The following ACACA variants were observed in gnomAD, a reference collection of about 807,000 sequenced individuals.
ACACA encodes acetyl-CoA carboxylase alpha.
Under a neutral mutation model 296.1 loss-of-function variants are expected in ACACA, and 103 were observed. That is an observed-to-expected ratio of 0.35 (90% CI 0.30 to 0.41). ACACA has a LOEUF of 0.41. Among genes scored for constraint, ACACA ranks in the 10% least tolerant of loss-of-function variants. The pLI is 1.00. For synonymous variants in ACACA, 953 were observed against 1,038.6 expected (o/e 0.92, Z 1.58); for missense variants, 1,554 against 2,989.7 (o/e 0.52, Z 11.20).
At chr17:37,356,708 G>A (rs1246682458) in intron 1 of ACACA, among the ~76,000 whole-genome samples, 1 of 152,052 alleles carries the variant, frequency 6.6e-6, no homozygotes, top group Non-Finnish European at 1.5e-5. Flanking sequence ...TTAAGAACAT[G>A]TTAGATAATG....
At chr17:37,203,484 T>C (rs987964833) in intron 33 of ACACA, among the ~76,000 whole-genome samples, 4 of 151,658 alleles carry the variant, frequency 2.6e-5, no homozygotes, top group Middle Eastern at 3.2e-3. Flanking sequence ...TGGCTCACGC[T>C]TGTAATCCCA....
Position 37,160,459 on chromosome 17 carries a change from T to C in ACACA, c.5349+1322A>G, listed in dbSNP as rs548847189. Among the ~76,000 whole-genome samples, 3 of 152,294 alleles carry C rather than the reference T, an allele frequency of 2.0e-5. No homozygotes were observed. The South Asian group carries it at 6.2e-4, about 32-fold the overall frequency. ...TTGAAAATTGGGAAGCAAGGTCTGA[T>C]GATATCAGCTAAGAGTGGGGAGAGG... is the stretch of plus-strand genomic sequence containing the variant. On this transcript the variant is annotated intron_variant, in intron 42 of 55. Coordinates refer to ENST00000616317, the MANE Select transcript of ACACA (RefSeq NM_198834.3).
In ACACA at chr17:37,100,067, A is replaced by G. The variant is rs549306605; in HGVS notation, c.6566-2083T>C. On this transcript the variant is annotated intron_variant, in intron 52 of 55. Coordinates refer to ENST00000616317, the MANE Select transcript of ACACA (RefSeq NM_198834.3). ...CAATTCACCCTCATATAAGTAATTA[A>G]ATGAGGGAGAAGGGAAAGGGAACAC... 2.6e-5 allele frequency among the ~76,000 whole-genome samples: 4 copies of G among 152,308 alleles called. No homozygotes were observed. The South Asian group carries it at 8.3e-4, about 32-fold the overall frequency.
At chr17:37,114,662 ACTTTTTATGGACTTCCCATTTCCCAG>A (rs1056230223) in intron 50 of ACACA, among the ~76,000 whole-genome samples, 7 of 152,182 alleles carry the variant, frequency 4.6e-5, no homozygotes, top group Admixed American at 3.3e-4. Flanking sequence ...TTATTTCCCA[ACTTTTTATGGACTTCCCATTTCCCAG>A]CTCACTGAAG....
At chr17:37,315,040 C>T (rs929633326) in intron 3 of ACACA, among the ~76,000 whole-genome samples, 1 of 147,416 alleles carries the variant, frequency 6.8e-6, no homozygotes, top group African/African-American at 2.5e-5. Flanking sequence ...CTCACCACAA[C>T]CTCCACCTCC....
In ACACA at chr17:37,248,048, T is replaced by C; in HGVS notation, c.2272A>G (p.Ser758Gly). The C allele has an allele frequency of 6.2e-7, 1 of 1,614,198 alleles. No homozygotes were observed. The highest frequency in any genetic ancestry group is 8.5e-7 in the Non-Finnish European group (1 of 1,180,034). ...TCTTTCATATACGTAGTATAACTGCTGCCATCATAGGACAAGAGCAGTCCA... is the reference window on the plus strand; with the variant it reads ...TCTTTCATATACGTAGTATAACTGCCGCCATCATAGGACAAGAGCAGTCCA... The part of the protein sequence containing the change: ...DGGLLLSYDG[S>G]SYTTYMKEEV... The change falls in exon 18 of 56, where the codon AGC (serine) becomes GGC (glycine). Residue 758 changes from serine to glycine, a missense_variant. Physicochemically the swap from Ser to Gly is moderately conservative, Grantham distance 56. This residue lies in a region of ACACA where 316 missense variants were observed against 540.9 expected (regional missense o/e 0.58). Coordinates refer to ENST00000616317, the MANE Select transcript of ACACA (RefSeq NM_198834.3).
chr17:37,216,155 CA>C (rs1891658577), intron 29 of ACACA, among the ~76,000 whole-genome samples: 1 of 134,534 alleles, frequency 7.4e-6, no homozygotes, highest in East Asian at 2.1e-4. Flanking sequence ...CACACACACA[CA>C]CAACATACAC....
At chr17:37,193,283 G>T in intron 36 of ACACA, 91 bp downstream of exon 36, 1 of 966,464 alleles carries the variant, frequency 1.0e-6, no homozygotes, top group Non-Finnish European at 1.6e-6. Flanking sequence ...AAAAAGAATG[G>T]CAAGAAGAAC....
chr17:37,277,499 G>T (rs2082330241), intron 6 of ACACA, among the ~76,000 whole-genome samples: 2 of 152,160 alleles, frequency 1.3e-5, no homozygotes, highest in Admixed American at 1.3e-4. Context: ...TCTAAGTTTA[G>T]AGTTTTTTCC....
At chr17:37,370,088 C>T (rs573885143) in intron 1 of ACACA, among the ~76,000 whole-genome samples, 1 of 151,514 alleles carries the variant, frequency 6.6e-6, no homozygotes, top group Non-Finnish European at 1.5e-5. Flanking sequence ...GGCTCTGCAA[C>T]CTCTGCCTCC....
Position 37,216,959 on chromosome 17 carries a change from T to C in ACACA, c.3683+4765A>G, listed in dbSNP as rs142636591. ...AAACAAACTGCGTGACTGGGAATTA[T>C]AGTAAGAGGAGTTAAAAACAAGGGC... On this transcript the variant is annotated intron_variant, in intron 29 of 55. Coordinates refer to ENST00000616317, the MANE Select transcript of ACACA (RefSeq NM_198834.3). Among the ~76,000 whole-genome samples the C allele has an allele frequency of 4.9e-3, 750 of 152,112 alleles. 3 individuals are homozygous for C. The highest frequency in any genetic ancestry group is 0.017 in the African/African-American group (708 of 41,482).
At chr17:37,345,832 CA>C (rs1284789394) in intron 1 of ACACA, among the ~76,000 whole-genome samples, 4 of 152,120 alleles carry the variant, frequency 2.6e-5, no homozygotes, top group African/African-American at 9.7e-5. Context: ...TATCACAGAT[CA>C]GGGGAGATTA....
rs746438626 is a variant in ACACA at position 37,179,226 on chromosome 17, G to A, written c.5079+34C>T. The A allele has an allele frequency of 5.0e-6, 8 of 1,613,910 alleles. No homozygotes were observed. In the South Asian group the frequency reaches 7.7e-5, roughly 16 times the overall value. On this transcript the variant is annotated intron_variant, in intron 41 of 55. Transcript: ENST00000616317. ...GAAAGCTGGTACTAGTGGGCACAGA[G>A]ATAAGAAAGGGAAGGGGGGTTTCAA...
intron 11 of ACACA, among the ~76,000 whole-genome samples, chr17:37,261,732 C>G (rs1213731542): frequency 2.0e-5 from 3 of 152,164 alleles, no homozygotes; most frequent in Non-Finnish European, 4.4e-5. Flanking sequence ...CCAGGTCTAA[C>G]TGAGGTAGTA....
chr17:37,376,736 C>T (rs1194120006), intron 1 of ACACA, among the ~76,000 whole-genome samples: 1 of 152,164 alleles, frequency 6.6e-6, no homozygotes, highest in African/African-American at 2.4e-5. Flanking sequence ...TGGTGGATCA[C>T]CTGAGGTCAG....
chr17:37,245,354 T>G (rs958778072), intron 19 of ACACA, 140 bp from the exon 20 acceptor site: 7 of 768,740 alleles, frequency 9.1e-6, no homozygotes, highest in Non-Finnish European at 1.5e-5. Context: ...TACCATCATC[T>G]CCTAGGGACT....
chr17:37,274,408 G>A, intron 8 of ACACA, 109 bp from the exon 9 acceptor site: 1 of 1,126,410 alleles, frequency 8.9e-7, no homozygotes, highest in East Asian at 2.5e-5. Context: ...ACTGAGAGTG[G>A]ATGGGAGAAA....
chr17:37,167,135 TTTTTTTG>T (rs1187515220), intron 41 of ACACA, among the ~76,000 whole-genome samples: 3 of 150,568 alleles, frequency 2.0e-5, no homozygotes, highest in African/African-American at 7.3e-5. Flanking sequence ...TTTTTTTTTT[TTTTTTTG>T]GTACAGATGG....
chr17:37,189,536 T>C (rs1446244897), intron 38 of ACACA, among the ~76,000 whole-genome samples: 1 of 152,166 alleles, frequency 6.6e-6, no homozygotes, highest in Non-Finnish European at 1.5e-5. Context: ...CAACAATCTT[T>C]ATGTACAGAA....
Sources: allele counts gnomAD v4.1 joint callset (sites outside exome capture counted in the v4.1 genomes callset), GRCh38; gene constraint gnomAD v4.1.1; regional missense constraint gnomAD v4.1.1; transcripts MANE v1.5; gene names NCBI Gene and HGNC (gene_info 2026-07-23, HGNC 2026-07-21).